The following GALNT17 variants were observed in gnomAD, a reference collection of about 807,000 sequenced individuals.
GALNT17 encodes polypeptide N-acetylgalactosaminyltransferase 17.
Under a neutral mutation model 63.7 loss-of-function variants are expected in GALNT17, and 29 were observed. The ratio of observed to expected loss-of-function variants is 0.46; its 90% CI spans 0.34 to 0.62. GALNT17 has a LOEUF of 0.62. Among genes scored for constraint, GALNT17 ranks in the 20% least tolerant of loss-of-function variants. The pLI is 0.01. For missense variants in GALNT17, 603 were observed against 799.6 expected, an observed-to-expected ratio of 0.75 and a Z score of 2.97; for synonymous variants, 305 against 318.3, an observed-to-expected ratio of 0.96 and a Z score of 0.45.
chr7:71,604,025 C>T lies in GALNT17; in HGVS notation c.1080+32623C>T, dbSNP rs5014012. 7.2e-3 allele frequency among the ~76,000 whole-genome samples: 903 copies of T among 126,180 alleles called. 7 individuals carry two copies. Among genetic ancestry groups the T allele is most frequent in the African/African-American group, 0.025 (820 of 32,728 alleles). 82.8% of individuals were successfully genotyped at this position (126,180 alleles called of 152,430 possible). On this transcript the variant is annotated intron_variant, in intron 6 of 10. Transcript: ENST00000333538. ...TACAGTGGATACTATGCTAAGTGCA[C>T]ATACCAGGTCCTATGCTAAGTGCCT...
At chr7:71,617,555 C>T (rs1441652960) in intron 6 of GALNT17, among the ~76,000 whole-genome samples, 3 of 152,008 alleles carry the variant, frequency 2.0e-5, no homozygotes, top group East Asian at 1.9e-4. Context: ...CTCTTGACCT[C>T]GTGATCCACC....
At chr7:71,136,818 A>T (rs1787792039) in intron 1 of GALNT17, among the ~76,000 whole-genome samples, 2 of 137,970 alleles carry the variant, frequency 1.4e-5, no homozygotes, top group South Asian at 4.7e-4. Flanking sequence ...TCAGAGTCTC[A>T]CTCTGTCACT....
At chr7:71,165,710 CG>C (rs1170928084) in intron 1 of GALNT17, among the ~76,000 whole-genome samples, 6 of 152,150 alleles carry the variant, frequency 3.9e-5, no homozygotes, top group African/African-American at 1.4e-4. Context: ...ACCCTTAAAA[CG>C]ATTTTCCTTT....
intron 6 of GALNT17, among the ~76,000 whole-genome samples, chr7:71,576,811 G>T (rs570280814): frequency 2.0e-5 from 3 of 152,056 alleles, no homozygotes; most frequent in Non-Finnish European, 4.4e-5. Flanking sequence ...CAAGTGATCT[G>T]CCCGCTTCGG....
At position 71,417,299 on chromosome 7, in the gene GALNT17, G is replaced by A. The variant is rs192467483; in HGVS notation, c.764+1236G>A. ...GGATAAAAAGACAATGTTTATGCAT[G>A]TGACCACGTAAGAAACCCAGGGCCA... On this transcript the variant is annotated intron_variant, in intron 4 of 10. Coordinates refer to ENST00000333538, the MANE Select transcript of GALNT17 (RefSeq NM_022479.3). Among the ~76,000 whole-genome samples the A allele has an allele frequency of 2.4e-4, 37 of 152,276 alleles. 4 individuals carry two copies. In the East Asian group the frequency reaches 2.9e-3, roughly 12 times the overall value.
intron 1 of GALNT17, among the ~76,000 whole-genome samples, chr7:71,147,620 C>T (rs1220183505): frequency 6.6e-6 from 1 of 152,084 alleles, no homozygotes; most frequent in East Asian, 1.9e-4. Flanking sequence ...CATGCATTCT[C>T]CAAGGACCAT....
intron 6 of GALNT17, among the ~76,000 whole-genome samples, chr7:71,571,779 C>T (rs1230268075): frequency 6.6e-6 from 1 of 152,120 alleles, no homozygotes; most frequent in Non-Finnish European, 1.5e-5. Flanking sequence ...TTTGGGAGGC[C>T]ACGGTGGTGC....
At chr7:71,546,227 C>T (rs1357321913) in intron 5 of GALNT17, among the ~76,000 whole-genome samples, 1 of 149,882 alleles carries the variant, frequency 6.7e-6, no homozygotes, top group Non-Finnish European at 1.5e-5. Context: ...ATGGCACAAT[C>T]ATGGCTCACT....
At position 71,134,835 on chromosome 7, in the gene GALNT17, G is replaced by GTTTTTTTTT. The variant is rs561383417; in HGVS notation, c.238+1818_238+1826dup. The stretch of plus-strand genomic sequence containing the variant: ...TTAGTATCAGTTTCTTTGTTTTATG[G>GTTTTTTTTT]TTTTTTTTTTTTTTTTTTTTTTTTT... On this transcript the variant is annotated intron_variant, in intron 1 of 10. Coordinates refer to ENST00000333538, the MANE Select transcript of GALNT17 (RefSeq NM_022479.3). 1.9e-4 allele frequency among the ~76,000 whole-genome samples: 11 copies of GTTTTTTTTT among 57,908 alleles called. 1 individual carries two copies. The highest frequency in any genetic ancestry group is 2.2e-4 in the African/African-American group (3 of 13,902). 38.0% of individuals were successfully genotyped at this position (57,908 alleles called of 152,430 possible).
chr7:71,537,773 A>G (rs1470580446), intron 5 of GALNT17, among the ~76,000 whole-genome samples: 2 of 152,308 alleles, frequency 1.3e-5, no homozygotes, highest in East Asian at 1.9e-4. Context: ...AGATCAAGGC[A>G]CTGCAATCCA....
At chr7:71,668,752 A>G (rs1365021036) in intron 7 of GALNT17, among the ~76,000 whole-genome samples, 1 of 152,086 alleles carries the variant, frequency 6.6e-6, no homozygotes, top group Non-Finnish European at 1.5e-5. Flanking sequence ...CTTGCAGCTG[A>G]GTCTGCAGAG....
At chr7:71,175,031 A>G (rs1788610230) in intron 1 of GALNT17, among the ~76,000 whole-genome samples, 2 of 152,228 alleles carry the variant, frequency 1.3e-5, no homozygotes, top group Admixed American at 6.5e-5. Flanking sequence ...AGATTCTACA[A>G]TTAATGTTTT....
At chr7:71,450,811 G>T (rs1216033380) in intron 5 of GALNT17, among the ~76,000 whole-genome samples, 2 of 152,176 alleles carry the variant, frequency 1.3e-5, no homozygotes, top group Non-Finnish European at 2.9e-5. Flanking sequence ...CAAGGCGTGT[G>T]TGCTGGCTTG....
chr7:71,527,522 G>A (rs942008612), intron 5 of GALNT17, among the ~76,000 whole-genome samples: 6 of 152,236 alleles, frequency 3.9e-5, no homozygotes, highest in Middle Eastern at 3.4e-3. Flanking sequence ...CCTATCCTCT[G>A]CAGGCTGGCA....
chr7:71,306,185 A>G (rs1191460814), intron 1 of GALNT17, among the ~76,000 whole-genome samples: 2 of 152,226 alleles, frequency 1.3e-5, no homozygotes, highest in Non-Finnish European at 2.9e-5. Context: ...GCATCATTGC[A>G]CTCCAGCATG....
intron 6 of GALNT17, among the ~76,000 whole-genome samples, chr7:71,615,094 G>A (rs559651283): frequency 5.9e-5 from 9 of 152,302 alleles, no homozygotes; most frequent in East Asian, 1.9e-4. Flanking sequence ...GCACCACTGT[G>A]GCAGCTTTTG....
At chr7:71,599,654 A>G (rs1789937070) in intron 6 of GALNT17, among the ~76,000 whole-genome samples, 1 of 151,888 alleles carries the variant, frequency 6.6e-6, no homozygotes, top group Non-Finnish European at 1.5e-5. Flanking sequence ...TTTCTCACCT[A>G]GACATTGATA....
intron 5 of GALNT17, among the ~76,000 whole-genome samples, chr7:71,478,010 T>C (rs1207260336): frequency 1.3e-5 from 2 of 152,230 alleles, no homozygotes; most frequent in East Asian, 1.9e-4. Context: ...ATTTACCGTG[T>C]CTACCCTGTA....
At chr7:71,221,577 T>C (rs1789585245) in intron 1 of GALNT17, among the ~76,000 whole-genome samples, 1 of 152,112 alleles carries the variant, frequency 6.6e-6, no homozygotes. Flanking sequence ...TTTGCTTTCT[T>C]GTCCTTGTAA....
Sources: gnomAD v4.1 joint callset for allele counts (sites outside exome capture counted in the v4.1 genomes callset) on GRCh38, gnomAD v4.1.1 for gene constraint, MANE v1.5 for transcripts, NCBI Gene and HGNC (gene_info 2026-07-23, HGNC 2026-07-21) for gene names.